ZZEF1: variants seen among roughly 807,000 people sequenced by gnomAD.
ZZEF1 encodes the protein zinc finger ZZ-type and EF-hand domain-containing protein 1.
Under a neutral mutation model 342.8 loss-of-function variants are expected in ZZEF1, and 157 were observed. The observed-to-expected ratio is 0.46, with a 90% CI of 0.40 to 0.52. The LOEUF (loss-of-function observed/expected upper bound fraction) is 0.52. Among genes scored for constraint, ZZEF1 ranks in the 20% least tolerant of loss-of-function variants. ZZEF1 has a pLI of 0.00. For synonymous variants in ZZEF1, 1,505 were observed against 1,429.1 expected (o/e 1.05, Z -1.20); for missense variants, 3,480 against 3,725.6 (o/e 0.93, Z 1.72).
At chr17:4,110,192 C>T (rs1157737065) in intron 5 of ZZEF1, among the ~76,000 whole-genome samples, 1 of 152,124 alleles carries the variant, frequency 6.6e-6, no homozygotes. Flanking sequence ...ATGGTAAGAA[C>T]ATTTCTAGAA....
chr17:4,080,850 C>T (rs1597862607), intron 18 of ZZEF1, among the ~76,000 whole-genome samples: 2 of 152,170 alleles, frequency 1.3e-5, no homozygotes, highest in African/African-American at 4.8e-5. Flanking sequence ...GTGTTTTTAT[C>T]GTTTGCTGAC....
Position 4,052,113 on chromosome 17 carries a change from C to T in ZZEF1, c.5458G>A (p.Gly1820Arg), listed in dbSNP as rs765097502. 39 of 1,613,462 alleles carry T rather than the reference C, an allele frequency of 2.4e-5. No homozygotes were observed. The highest frequency in any genetic ancestry group is 1.3e-4 in the South Asian group (12 of 91,010). Reference sequence around the variant, plus strand: ...ATGTTGACCATTTCATGGTCGTCTCCGTGGCCCTCAGGCTTCACCCCACCT... The same window carrying T: ...ATGTTGACCATTTCATGGTCGTCTCTGTGGCCCTCAGGCTTCACCCCACCT... ...FLGGVKPEGHGDDHEMVNMEF... is the reference protein window; with the variant it reads ...FLGGVKPEGHRDDHEMVNMEF... The change falls in exon 35 of 55, where the codon GGA becomes AGA. Residue 1820 changes from glycine to arginine, a missense_variant. Physicochemically the swap from Gly to Arg is moderately radical, Grantham distance 125. Transcript: ENST00000381638.
In ZZEF1 at chr17:4,052,045, C is replaced by T. The variant is rs969503273; in HGVS notation, c.5526G>A (p.Arg1842=). 1 of 1,614,196 alleles carries T rather than the reference C, an allele frequency of 6.2e-7. No individual in the cohort carries two copies. Among genetic ancestry groups the T allele is most frequent in the Non-Finnish European group, 8.5e-7 (1 of 1,180,034 alleles). The change falls in exon 35 of 55, where the codon CGG becomes CGA. Residue 1842 remains arginine, a synonymous_variant. Transcript: ENST00000381638. ...CATCGCAAACATTGCAGTTCATCCT[C>T]CGGCCTATGATCAAACCCTGGCAGT... ...CDHCQGLIIG[R]RMNCNVCDDF... is the part of the protein sequence containing the mutation.
Position 4,080,464 on chromosome 17 carries a change from C to T in ZZEF1, c.2829+912G>A, listed in dbSNP as rs187666925. Among the ~76,000 whole-genome samples the T allele has an allele frequency of 5.4e-3, 818 of 152,170 alleles. 7 individuals are homozygous for T. The highest frequency in any genetic ancestry group is 0.018 in the African/African-American group (748 of 41,492). On this transcript the variant is annotated intron_variant, in intron 18 of 54. Coordinates refer to ENST00000381638, the MANE Select transcript of ZZEF1 (RefSeq NM_015113.4). The stretch of plus-strand genomic sequence containing the variant: ...AAGCGATTCTCCTGCCTCAGCCTCC[C>T]GAGTAGCTGGGATTACAGGCATGTG...
At chr17:4,027,275 G>C (rs2056428864) in intron 42 of ZZEF1, among the ~76,000 whole-genome samples, 1 of 126,026 alleles carries the variant, frequency 7.9e-6, no homozygotes, top group Non-Finnish European at 1.6e-5. Flanking sequence ...TACGCACCCA[G>C]CAATATCTCA....
At chr17:4,041,074 G>T (rs2056791954) in intron 39 of ZZEF1, among the ~76,000 whole-genome samples, 1 of 152,192 alleles carries the variant, frequency 6.6e-6, no homozygotes, top group South Asian at 2.1e-4. Context: ...GTTGGGGAGG[G>T]CAGGCAAAGA....
At position 4,064,420 on chromosome 17, in the gene ZZEF1, T is replaced by C. The variant is rs1399010689; in HGVS notation, c.4659A>G (p.Lys1553=). ...CCATGACGTCCTTCAGCACAGGGTA[T>C]TTCTCTTTCACTGTGGGCACCAGTC... ...EARLVPTVKE[K]YPVLKDVMDF... Residue 1553 remains lysine, a synonymous_variant, in exon 29 of 55, where the codon AAA becomes AAG. Transcript: ENST00000381638. 4 of 1,613,588 alleles carry C rather than the reference T, an allele frequency of 2.5e-6. No individual in the cohort carries two copies. In the East Asian group the frequency reaches 6.7e-5, roughly 27 times the overall value.
intron 37 of ZZEF1, among the ~76,000 whole-genome samples, chr17:4,045,837 T>A (rs902319781): frequency 2.0e-5 from 3 of 151,470 alleles, no homozygotes; most frequent in Non-Finnish European, 4.4e-5. Context: ...CTTGTTTTTT[T>A]TTTTTTTTGA....
intron 11 of ZZEF1, 137 bp downstream of exon 11, chr17:4,095,694 A>G (rs867879664): frequency 7.0e-6 from 6 of 859,106 alleles, no homozygotes; most frequent in Middle Eastern, 7.3e-4. Context: ...GCTTATGGCC[A>G]CTGAGATGGA....
chr17:4,033,876 A>C (rs2056603126), intron 40 of ZZEF1, 139 bp downstream of exon 40: 1 of 1,167,612 alleles, frequency 8.6e-7, no homozygotes, highest in East Asian at 2.4e-5. Flanking sequence ...TCATGAACCT[A>C]ATTCTATTTC....
rs575684986 is a variant in ZZEF1, at chr17:4,139,454, T to C, written c.354+3088A>G. On this transcript the variant is annotated intron_variant, in intron 1 of 54. Coordinates refer to ENST00000381638, the MANE Select transcript of ZZEF1 (RefSeq NM_015113.4). ...CAACTTGTCATTTTAGTTGCTACTA[T>C]AAAGACATTACTTCACAAGCCCTTC... Among the ~76,000 whole-genome samples, 4 of 152,348 alleles carry C rather than the reference T, an allele frequency of 2.6e-5. No individual in the cohort carries two copies. The South Asian group carries it at 8.3e-4, about 32-fold the overall frequency.
chr17:4,051,456 T>C (rs2057043458), intron 35 of ZZEF1, among the ~76,000 whole-genome samples: 1 of 152,214 alleles, frequency 6.6e-6, no homozygotes, highest in Non-Finnish European at 1.5e-5. Context: ...AGTCTCGTTC[T>C]GTCGCTCAGG....
intron 43 of ZZEF1, 78 bp from the exon 44 acceptor site, chr17:4,022,906 C>A (rs915629845): frequency 1.3e-6 from 2 of 1,545,898 alleles, no homozygotes; most frequent in Non-Finnish European, 1.8e-6. Context: ...TCAGTCTGTT[C>A]ATTCACTCTT....
In ZZEF1 at chr17:4,044,058, G is replaced by A. The variant is rs79147597; in HGVS notation, c.6166+166C>T. ...AAGGTAGGAAAGCAGTCAAAGTGAA[G>A]AAAGATGACATTCGAGGTGTCATCA... On this transcript the variant is annotated intron_variant, in intron 38 of 54. Transcript: ENST00000381638. 6.8e-3 allele frequency among the ~76,000 whole-genome samples: 1,030 copies of A among 152,364 alleles called. 8 individuals are homozygous for A. Among genetic ancestry groups the A allele is most frequent in the African/African-American group, 0.024 (990 of 41,590 alleles).
chr17:4,049,816 G>C lies in ZZEF1; in HGVS notation c.5907C>G (p.Asp1969Glu), dbSNP rs1258053333. ...LALLGVLPDGDSSLEDQALPV... is the reference protein window; with the variant it reads ...LALLGVLPDGESSLEDQALPV... ...GTAGGGCCTGATCTTCTAGGCTCGA[G>C]TCCCCATCTGGCAATACACCCAGCA... Residue 1969 changes from aspartate (D) to glutamate (E), a missense_variant, in exon 37 of 55, where the codon GAC becomes GAG. Asp to Glu is a conservative substitution (Grantham distance 45). This residue lies in a region of ZZEF1 where 1,269 missense variants were observed against 1,342.4 expected (regional missense o/e 0.95). Transcript: ENST00000381638. 1.2e-6 allele frequency: 2 copies of C among 1,614,078 alleles called. No homozygotes were observed. The highest frequency in any genetic ancestry group is 4.5e-5 in the East Asian group (2 of 44,900).
chr17:4,042,395 A>G, intron 39 of ZZEF1, 34 bp downstream of exon 39: 1 of 1,596,684 alleles, frequency 6.3e-7, no homozygotes, highest in Non-Finnish European at 8.5e-7. Context: ...TATGCATACC[A>G]CCACCCCCAC....
chr17:4,057,076 A>G (rs1487280102), intron 32 of ZZEF1, among the ~76,000 whole-genome samples: 2 of 152,218 alleles, frequency 1.3e-5, no homozygotes, highest in Non-Finnish European at 2.9e-5. Context: ...TTCCAACGAA[A>G]TGGTTTTGGG....
chr17:4,100,765 G>A (rs911891420), intron 9 of ZZEF1, among the ~76,000 whole-genome samples: 2 of 152,196 alleles, frequency 1.3e-5, no homozygotes, highest in Non-Finnish European at 2.9e-5. Flanking sequence ...AACCCGGGAG[G>A]AGGAGGTTGC....
chr17:4,055,967 G>A (rs1007811134), intron 33 of ZZEF1, among the ~76,000 whole-genome samples: 3 of 152,202 alleles, frequency 2.0e-5, no homozygotes, highest in Non-Finnish European at 4.4e-5. Flanking sequence ...GGTTTATTGT[G>A]GGCTCATGCT....
Sources: allele counts gnomAD v4.1 joint callset (sites outside exome capture counted in the v4.1 genomes callset), GRCh38; gene constraint gnomAD v4.1.1; regional missense constraint gnomAD v4.1.1; transcripts MANE v1.5; gene names NCBI Gene and HGNC (gene_info 2026-07-23, HGNC 2026-07-21).